CA5A: variants seen among roughly 807,000 people sequenced by gnomAD.
CA5A encodes the protein carbonic anhydrase 5A, mitochondrial.
Under a neutral mutation model 37.1 loss-of-function variants are expected in CA5A, and 28 were observed. The observed-to-expected ratio is 0.75, with a 90% CI of 0.56 to 1.03. The LOEUF (loss-of-function observed/expected upper bound fraction) is 1.03. Among genes scored for constraint, CA5A ranks in the 50% least tolerant of loss-of-function variants. The pLI is 0.00. For missense variants in CA5A, 444 were observed against 399.9 expected (o/e 1.11, Z -0.94); for synonymous variants, 171 against 158.4 (o/e 1.08, Z -0.60).
At chr16:87,917,637 G>T (rs7499048) in intron 2 of CA5A, among the ~76,000 whole-genome samples, 1 of 150,686 alleles carries the variant, frequency 6.6e-6, no homozygotes, top group South Asian at 2.1e-4. Context: ...ACACATGTGC[G>T]CACACACATG....
intron 2 of CA5A, among the ~76,000 whole-genome samples, chr16:87,914,725 G>A (rs2056107533): frequency 6.6e-6 from 1 of 152,174 alleles, no homozygotes. Context: ...CAGGGCGGGA[G>A]CACCGGGCAG....
At chr16:87,909,409 C>T (rs576278034) in intron 2 of CA5A, among the ~76,000 whole-genome samples, 1 of 152,308 alleles carries the variant, frequency 6.6e-6, no homozygotes, top group South Asian at 2.1e-4. Context: ...CTCTATGATA[C>T]GCAAATGAGG....
intron 2 of CA5A, among the ~76,000 whole-genome samples, chr16:87,912,920 C>G (rs1362645668): frequency 6.6e-6 from 1 of 152,084 alleles, no homozygotes; most frequent in East Asian, 1.9e-4. Flanking sequence ...GATGGGATTA[C>G]AGGGGCAACA....
chr16:87,903,362 C>A (rs934147676), intron 3 of CA5A, among the ~76,000 whole-genome samples: 4 of 152,144 alleles, frequency 2.6e-5, no homozygotes, highest in Non-Finnish European at 5.9e-5. Context: ...ACCTGGGCAG[C>A]AGAGGTTGCA....
chr16:87,917,158 T>C (rs1421771950), intron 2 of CA5A, among the ~76,000 whole-genome samples: 1 of 151,186 alleles, frequency 6.6e-6, no homozygotes, highest in Non-Finnish European at 1.5e-5. Context: ...GAAATGGGCT[T>C]CTGGATCCAA....
chr16:87,895,784 C>A (rs1317565908), intron 5 of CA5A, among the ~76,000 whole-genome samples: 4 of 151,916 alleles, frequency 2.6e-5, no homozygotes, highest in African/African-American at 9.7e-5. Flanking sequence ...TGTCTTGTGT[C>A]TCTCACTCAG....
chr16:87,904,102 G>C (rs2055921777), intron 3 of CA5A, among the ~76,000 whole-genome samples: 1 of 152,150 alleles, frequency 6.6e-6, no homozygotes, highest in Admixed American at 6.6e-5. Flanking sequence ...AGCACTTTGG[G>C]AGGCTGAGGT....
At chr16:87,900,951 C>A (rs1447841381) in intron 5 of CA5A, among the ~76,000 whole-genome samples, 1 of 152,206 alleles carries the variant, frequency 6.6e-6, no homozygotes, top group African/African-American at 2.4e-5. Context: ...CTAGGCTGGG[C>A]GCGGTGATTC....
rs2056045266 is a variant in CA5A, at chr16:87,911,144, G to T, written c.341-6240C>A. 6.6e-6 allele frequency among the ~76,000 whole-genome samples: 1 copy of T among 151,182 alleles called. No homozygotes were observed. Among genetic ancestry groups the T allele is most frequent in the African/African-American group, 2.4e-5 (1 of 41,014 alleles). On this transcript the variant is annotated intron_variant, in intron 2 of 6. Coordinates refer to ENST00000649794, the MANE Select transcript of CA5A (RefSeq NM_001739.2). This position sits in a 1 kb window ranked among gnomAD's most constrained non-coding sequence, Gnocchi z 4.6. ...AAGGCAAGCCCAATTCACGAAAAGG[G>T]GTCTTTAAGCTGCCAGCCCCCATCC...
At chr16:87,902,053 C>T (rs555673627) in intron 4 of CA5A, 79 bp from the exon 5 acceptor site, 8 of 1,310,940 alleles carry the variant, frequency 6.1e-6, no homozygotes, top group Middle Eastern at 1.9e-4. Context: ...AAATACACCA[C>T]GTTTTAAAAG....
chr16:87,903,683 G>C (rs1224786637), intron 3 of CA5A, among the ~76,000 whole-genome samples: 1 of 152,030 alleles, frequency 6.6e-6, no homozygotes, highest in East Asian at 1.9e-4. Context: ...TTTTGGTTTG[G>C]GTGGACTCTA....
At chr16:87,889,858 G>A (rs1345668895) in intron 6 of CA5A, among the ~76,000 whole-genome samples, 1 of 152,218 alleles carries the variant, frequency 6.6e-6, no homozygotes, top group African/African-American at 2.4e-5. Context: ...AACCCTGTGA[G>A]GCAACTCACG....
chr16:87,904,340 C>CAA (rs10648205), intron 3 of CA5A, among the ~76,000 whole-genome samples: 20,073 of 139,310 alleles, frequency 0.14, 1,994 homozygotes, highest in African/African-American at 0.29. Flanking sequence ...AACCCTGTTT[C>CAA]AAAAAAAAAA....
At chr16:87,929,665 G>A (rs1017350010) in intron 1 of CA5A, among the ~76,000 whole-genome samples, 2 of 151,578 alleles carry the variant, frequency 1.3e-5, no homozygotes, top group African/African-American at 4.8e-5. Flanking sequence ...GAGGTCAGGA[G>A]ATCGAGACCA....
At chr16:87,924,789 G>A (rs1390162624) in intron 2 of CA5A, among the ~76,000 whole-genome samples, 3 of 152,136 alleles carry the variant, frequency 2.0e-5, no homozygotes, top group Admixed American at 6.5e-5. Flanking sequence ...GCAGCGTCCC[G>A]CTTGTTGGTC....
chr16:87,908,554 G>T (rs532114459), intron 2 of CA5A, among the ~76,000 whole-genome samples: 2 of 152,182 alleles, frequency 1.3e-5, no homozygotes. Flanking sequence ...ACTGACAGCC[G>T]ATGCCTGCCG....
At chr16:87,933,651 G>C (rs2056435754) in intron 1 of CA5A, among the ~76,000 whole-genome samples, 1 of 151,960 alleles carries the variant, frequency 6.6e-6, no homozygotes, top group Non-Finnish European at 1.5e-5. Flanking sequence ...CCAAAACAGT[G>C]CTGGGATTAC....
At chr16:87,931,932 A>T (rs984864747) in intron 1 of CA5A, among the ~76,000 whole-genome samples, 4 of 150,688 alleles carry the variant, frequency 2.7e-5, no homozygotes, top group African/African-American at 9.7e-5. Context: ...ACTTCCATTG[A>T]CTGTTCTCTC....
intron 1 of CA5A, among the ~76,000 whole-genome samples, chr16:87,934,036 G>T (rs2056440226): frequency 6.6e-6 from 1 of 152,198 alleles, no homozygotes; most frequent in African/African-American, 2.4e-5. Flanking sequence ...GTAAGAAATG[G>T]AATGCTACCT....
Sources: allele counts gnomAD v4.1 joint callset (sites outside exome capture counted in the v4.1 genomes callset), GRCh38; gene constraint gnomAD v4.1.1; non-coding constraint Gnocchi (gnomAD v3.1); transcripts MANE v1.5; gene names NCBI Gene and HGNC (gene_info 2026-07-23, HGNC 2026-07-21).